ANKRD30A: variants seen among roughly 807,000 people sequenced by gnomAD.
ANKRD30A encodes the protein ankyrin repeat domain 30A.
In ANKRD30A, 170 loss-of-function variants were observed where a neutral mutation model predicts 166.3. The observed-to-expected ratio is 1.02, with a 90% CI of 0.90 to 1.16. ANKRD30A has a LOEUF of 1.16. Among genes scored for constraint, ANKRD30A ranks in the 50% most tolerant of loss-of-function variants. ANKRD30A has a pLI of 0.00. For missense variants in ANKRD30A, 1,630 were observed against 1,518.0 expected, an observed-to-expected ratio of 1.07 and a Z score of -1.23; for synonymous variants, 564 against 508.9, an observed-to-expected ratio of 1.11 and a Z score of -1.46.
the ANKRD30A span, among the ~76,000 whole-genome samples, chr10:37,249,545 A>T: frequency 1.3e-5 from 2 of 152,112 alleles, no homozygotes; most frequent in African/African-American, 4.8e-5. Context: ...ATTTTTCATA[A>T]TTTTATGTTG....
intron 35 of ANKRD30A, among the ~76,000 whole-genome samples, chr10:37,231,912 A>G (rs1843428823): frequency 6.6e-6 from 1 of 152,094 alleles, no homozygotes; most frequent in Admixed American, 6.6e-5. Flanking sequence ...AAAATAACAC[A>G]TTTTGAATTG....
chr10:37,229,848 T>C (rs997805352), intron 34 of ANKRD30A, among the ~76,000 whole-genome samples: 1 of 151,928 alleles, frequency 6.6e-6, no homozygotes, highest in African/African-American at 2.4e-5. Context: ...ATGTATGGGT[T>C]ACATGAGATA....
Position 37,140,675 on chromosome 10 carries a change from A to C in ANKRD30A, c.821-1043A>C, listed in dbSNP as rs576266965. ...TGTTTCTAATAGCCAAAATATTATCATTATAAATATTCAAATAGCTTAACT... is the reference window on the plus strand; with the variant it reads ...TGTTTCTAATAGCCAAAATATTATCCTTATAAATATTCAAATAGCTTAACT... On this transcript the variant is annotated intron_variant, in intron 6 of 35. Coordinates refer to ENST00000361713, the MANE Select transcript of ANKRD30A (RefSeq NM_052997.3). Among the ~76,000 whole-genome samples, 17 of 146,142 alleles carry C rather than the reference A, an allele frequency of 1.2e-4. No individual in the cohort carries two copies. The Admixed American group carries it at 1.2e-3, about 10-fold the overall frequency.
At chr10:37,254,202 T>C in the ANKRD30A span, among the ~76,000 whole-genome samples, 1 of 152,226 alleles carries the variant, frequency 6.6e-6, no homozygotes. Context: ...TATGTTTCAT[T>C]CATAAATTTC....
chr10:37,155,967 G>C (rs1045813203), intron 13 of ANKRD30A, among the ~76,000 whole-genome samples: 2 of 151,854 alleles, frequency 1.3e-5, no homozygotes, highest in African/African-American at 4.8e-5. Context: ...TGTAGTCCCA[G>C]CTACTCTGGA....
the ANKRD30A span, among the ~76,000 whole-genome samples, chr10:37,239,004 A>G: frequency 6.6e-6 from 1 of 152,102 alleles, no homozygotes. Context: ...GTATCATATT[A>G]TCATTGGTAA....
intron 8 of ANKRD30A, 79 bp from the exon 9 acceptor site, chr10:37,147,291 T>C: frequency 1.7e-6 from 2 of 1,154,160 alleles, no homozygotes; most frequent in Non-Finnish European, 2.5e-6. Context: ...AGAAATTGAG[T>C]TTAAAAAATA....
downstream of ANKRD30A, among the ~76,000 whole-genome samples, chr10:37,234,437 T>C (rs1300784639): frequency 6.6e-6 from 1 of 152,208 alleles, no homozygotes; most frequent in Non-Finnish European, 1.5e-5. Context: ...TAATGAAAGA[T>C]AAGACTTAGC....
Position 37,162,025 on chromosome 10 carries a change from T to C in ANKRD30A, c.1901-624T>C, listed in dbSNP as rs188328436. On this transcript the variant is annotated intron_variant, in intron 15 of 35. Coordinates refer to ENST00000361713, the MANE Select transcript of ANKRD30A (RefSeq NM_052997.3). ...ATATGTCAATATTGAAAGCTTATTA[T>C]AGATTATTTCCATGATGAGTTTTAC... 1.8e-4 allele frequency among the ~76,000 whole-genome samples: 28 copies of C among 152,140 alleles called. 1 individual carries two copies. In the East Asian group the frequency reaches 5.4e-3, roughly 29 times the overall value.
At chr10:37,244,416 A>G in the ANKRD30A span, among the ~76,000 whole-genome samples, 2 of 152,236 alleles carry the variant, frequency 1.3e-5, no homozygotes, top group South Asian at 4.1e-4. Flanking sequence ...AACCCCATAC[A>G]GACATAACAA....
chr10:37,262,190 G>C, the ANKRD30A span, among the ~76,000 whole-genome samples: 4 of 152,148 alleles, frequency 2.6e-5, no homozygotes, highest in Non-Finnish European at 5.9e-5. Flanking sequence ...ACCTGCAAAG[G>C]AGAACAACAC....
Position 37,193,206 on chromosome 10 carries a change from T to G in ANKRD30A, c.2562T>G (p.Val854=). 2 of 1,612,058 alleles carry G rather than the reference T, an allele frequency of 1.2e-6. No homozygotes were observed. The highest frequency in any genetic ancestry group is 1.7e-6 in the Non-Finnish European group (2 of 1,179,358). Residue 854 remains valine (V), a synonymous_variant, in exon 27 of 36, where the codon GTT becomes GTG. Coordinates refer to ENST00000361713, the MANE Select transcript of ANKRD30A (RefSeq NM_052997.3). ...GFLKAPCRMK[V]SIPTKALELM... is the part of the protein sequence containing the mutation. ...TTTAGGCTCCCTGCAGAATGAAAGT[T>G]TCTATTCCAACTAAAGCCTTAGAAT...
chr10:37,130,159 T>A, intron 2 of ANKRD30A, 46 bp from the exon 3 acceptor site: 3 of 1,218,614 alleles, frequency 2.5e-6, no homozygotes, highest in Non-Finnish European at 2.1e-6. Flanking sequence ...ATAATTTATA[T>A]TATAAATTAT....
chr10:37,136,037 C>T (rs947492667), intron 5 of ANKRD30A, among the ~76,000 whole-genome samples: 1 of 152,174 alleles, frequency 6.6e-6, no homozygotes, highest in African/African-American at 2.4e-5. Context: ...AGCAATTCTC[C>T]TGTCTCAGCA....
intron 25 of ANKRD30A, among the ~76,000 whole-genome samples, chr10:37,190,953 G>A (rs71489122): frequency 4.6e-5 from 7 of 151,878 alleles, no homozygotes; most frequent in Non-Finnish European, 1.0e-4. Context: ...GCCATTTTAT[G>A]AAACCTCATT....
At chr10:37,260,742 A>C in the ANKRD30A span, among the ~76,000 whole-genome samples, 2 of 152,334 alleles carry the variant, frequency 1.3e-5, no homozygotes, top group East Asian at 3.9e-4. Flanking sequence ...ATTTGGACAC[A>C]AAAGTCTTTA....
At chr10:37,229,023 A>G (rs1211995584) in intron 34 of ANKRD30A, among the ~76,000 whole-genome samples, 2 of 152,000 alleles carry the variant, frequency 1.3e-5, no homozygotes, top group African/African-American at 4.8e-5. Context: ...CTGGGAAACT[A>G]CAGTAATCTG....
chr10:37,157,845 T>G (rs1441669017), intron 13 of ANKRD30A, among the ~76,000 whole-genome samples: 2 of 152,208 alleles, frequency 1.3e-5, no homozygotes, highest in African/African-American at 4.8e-5. Context: ...GCTGCTAAAT[T>G]TAGAACCTTC....
At chr10:37,205,681 T>C (rs907533929) in intron 31 of ANKRD30A, among the ~76,000 whole-genome samples, 8 of 152,200 alleles carry the variant, frequency 5.3e-5, no homozygotes, top group African/African-American at 1.9e-4. Context: ...TGAAGCTGTG[T>C]TTTATCTATT....
Sources: allele counts gnomAD v4.1 joint callset (sites outside exome capture counted in the v4.1 genomes callset), GRCh38; gene constraint gnomAD v4.1.1; transcripts MANE v1.5; gene names NCBI Gene and HGNC (gene_info 2026-07-23, HGNC 2026-07-21).